Variants in ERO1A observed in about 807,000 individuals in gnomAD.
ERO1A encodes endoplasmic reticulum oxidoreductase 1 alpha, also known as ERO1-like protein alpha.
A neutral mutation model predicts 76.9 loss-of-function variants in ERO1A; 49 were observed. That is an observed-to-expected ratio of 0.64 (90% CI 0.51 to 0.81). The LOEUF (loss-of-function observed/expected upper bound fraction) is 0.81, where lower values mean the gene tolerates loss of function less well. Among genes scored for constraint, ERO1A ranks in the 30% least tolerant of loss-of-function variants. The pLI is 0.00. For synonymous variants in ERO1A, 174 were observed against 181.2 expected, an observed-to-expected ratio of 0.96 and a Z score of 0.32; for missense variants, 448 against 542.1, an observed-to-expected ratio of 0.83 and a Z score of 1.72.
In ERO1A at chr14:52,674,557, C is replaced by T. The variant is rs553367500; in HGVS notation, c.358-2686G>A. On this transcript the variant is annotated intron_variant, in intron 4 of 15. Coordinates refer to ENST00000395686, the MANE Select transcript of ERO1A (RefSeq NM_014584.3). ...CTATTTGAAATAGTTGATAATGACA[C>T]CATTTAACTATGTGCAAAGTTCTTC... 6.6e-5 allele frequency among the ~76,000 whole-genome samples: 10 copies of T among 152,242 alleles called. No homozygotes were observed. In the South Asian group the frequency reaches 1.9e-3, roughly 28 times the overall value.
At chr14:52,664,375 C>A (rs1430218585) in intron 7 of ERO1A, among the ~76,000 whole-genome samples, 3 of 152,002 alleles carry the variant, frequency 2.0e-5, no homozygotes, top group African/African-American at 4.8e-5. Context: ...TAGGAAAAAA[C>A]AGAAATTTTC....
At chr14:52,647,245 C>G (rs1185654828) in intron 13 of ERO1A, 1 of 147,808 alleles carries the variant, frequency 6.8e-6, no homozygotes, top group Non-Finnish European at 1.5e-5. Context: ...CGTGATCCGC[C>G]CACCTCGACC....
At position 52,671,829 on chromosome 14, in the gene ERO1A, C is replaced by T; in HGVS notation, c.400G>A (p.Ala134Thr). The T allele has an allele frequency of 1.2e-6, 2 of 1,609,116 alleles. No individual in the cohort carries two copies. The highest frequency in any genetic ancestry group is 1.1e-5 in the South Asian group (1 of 89,610). ...ANNLIEECEQ[A>T]ERLGAVDESL... ...TCATCCACTGCTCCAAGTCGTTCAG[C>T]TTGTTCACATTCTTCAATGAGATTA... The change falls in exon 5 of 16, where the codon GCT (alanine) becomes ACT (threonine). Residue 134 changes from alanine to threonine, a missense_variant. Physicochemically the swap from Ala to Thr is moderately conservative, Grantham distance 58. This residue lies in a region of ERO1A where 302 missense variants were observed against 411.9 expected (regional missense o/e 0.73). Transcript: ENST00000395686.
rs574737373 is a variant in ERO1A at position 52,681,169 on chromosome 14, CAAAT to C, written c.318+1152_318+1155del. On this transcript the variant is annotated intron_variant, in intron 3 of 15. Transcript: ENST00000395686. ...ACCCCAAAAAACTAAAGTAGGGACT[CAAAT>C]AAATATTTGTGCATAGCAGCATTAT... Among the ~76,000 whole-genome samples, 39 of 152,194 alleles carry C rather than the reference CAAAT, an allele frequency of 2.6e-4. 1 individual carries two copies. In the Middle Eastern group the frequency reaches 0.02, roughly 80 times the overall value.
intron 6 of ERO1A, among the ~76,000 whole-genome samples, chr14:52,670,427 T>G (rs1467152792): frequency 6.6e-6 from 1 of 152,242 alleles, no homozygotes; most frequent in Non-Finnish European, 1.5e-5. Flanking sequence ...GTCACCAGGT[T>G]GGAGTGCAAT....
chr14:52,660,539 T>C (rs1435174062), intron 9 of ERO1A, among the ~76,000 whole-genome samples: 14 of 152,236 alleles, frequency 9.2e-5, no homozygotes, highest in Non-Finnish European at 2.1e-4. Flanking sequence ...AGCATTTTAT[T>C]TAGCTGCTAC....
At chr14:52,679,396 G>T (rs1475571076) in intron 3 of ERO1A, among the ~76,000 whole-genome samples, 1 of 150,484 alleles carries the variant, frequency 6.6e-6, no homozygotes, top group Non-Finnish European at 1.5e-5. Flanking sequence ...AATATTTTTA[G>T]ATGGATAAAT....
At chr14:52,679,932 C>T (rs570816085) in intron 3 of ERO1A, among the ~76,000 whole-genome samples, 32 of 151,868 alleles carry the variant, frequency 2.1e-4, no homozygotes, top group African/African-American at 6.0e-4. Flanking sequence ...GCCTGTAGTC[C>T]GCCTGTAGTC....
At chr14:52,669,324 C>T (rs2040519553) in intron 6 of ERO1A, among the ~76,000 whole-genome samples, 1 of 151,984 alleles carries the variant, frequency 6.6e-6, no homozygotes, top group South Asian at 2.1e-4. Flanking sequence ...AAAATATTAC[C>T]ATCCTTTTTC....
chr14:52,666,644 A>T (rs1018996895), intron 6 of ERO1A, 149 bp from the exon 7 acceptor site: 16 of 757,630 alleles, frequency 2.1e-5, no homozygotes, highest in Non-Finnish European at 3.0e-5. Flanking sequence ...GAAACAAAGG[A>T]AGGAGGCCGG....
intron 6 of ERO1A, among the ~76,000 whole-genome samples, chr14:52,669,940 T>C (rs1473505989): frequency 6.6e-6 from 1 of 152,220 alleles, no homozygotes; most frequent in Non-Finnish European, 1.5e-5. Context: ...TGTGTTGTTT[T>C]GAGAAAGGGT....
intron 4 of ERO1A, among the ~76,000 whole-genome samples, chr14:52,674,479 G>A (rs979803729): frequency 9.9e-5 from 15 of 152,242 alleles, no homozygotes; most frequent in African/African-American, 3.6e-4. Context: ...GATTACACAG[G>A]CATGAGCCAC....
chr14:52,665,449 CA>C (rs200977037), intron 7 of ERO1A, among the ~76,000 whole-genome samples: 17,711 of 142,896 alleles, frequency 0.12, 1,131 homozygotes, highest in East Asian at 0.22. Context: ...TTCTTCAAGT[CA>C]AAAAAAAAAA....
chr14:52,650,628 G>A (rs1037649720), intron 13 of ERO1A, among the ~76,000 whole-genome samples: 30 of 151,998 alleles, frequency 2.0e-4, no homozygotes, highest in Non-Finnish European at 4.4e-5. Context: ...ATCAAACCCA[G>A]TAGTATGGAG....
At chr14:52,665,225 C>T (rs906288428) in intron 7 of ERO1A, among the ~76,000 whole-genome samples, 9 of 147,558 alleles carry the variant, frequency 6.1e-5, no homozygotes, top group African/African-American at 2.2e-4. Flanking sequence ...TCGCTTGAAC[C>T]TGGGAGGCAG....
chr14:52,670,451 C>T (rs1331901592), intron 6 of ERO1A, among the ~76,000 whole-genome samples: 2 of 152,208 alleles, frequency 1.3e-5, no homozygotes, highest in Non-Finnish European at 2.9e-5. Flanking sequence ...ACAATCTCAG[C>T]TCACTGCAAC....
Position 52,666,495 on chromosome 14 carries a change from T to C in ERO1A, c.509A>G (p.Asp170Gly). ...ATATTCAGCTTCAGGGGACTGAATG[T>C]CTGTAAAATAAAATGTCTTATTAAA... Reference protein sequence around the residue: ...DSSDNFCEADDIQSPEAEYVD... With the variant: ...DSSDNFCEADGIQSPEAEYVD... Residue 170 changes from aspartate (D) to glycine (G), a missense_variant and splice_region_variant, in exon 7 of 16, where the codon GAC becomes GGC. Transcript: ENST00000395686. 1.9e-6 allele frequency: 3 copies of C among 1,604,304 alleles called. No homozygotes were observed. Among genetic ancestry groups the C allele is most frequent in the Non-Finnish European group, 2.5e-6 (3 of 1,176,834 alleles).
intron 13 of ERO1A, 71 bp from the exon 14 acceptor site, chr14:52,646,532 T>G (rs2039662888): frequency 1.7e-6 from 2 of 1,211,108 alleles, no homozygotes; most frequent in Non-Finnish European, 1.2e-6. Context: ...TCTGAGCAGG[T>G]TCTATGTGCC....
intron 1 of ERO1A, among the ~76,000 whole-genome samples, chr14:52,693,368 T>G (rs968206223): frequency 8.5e-5 from 13 of 152,296 alleles, no homozygotes; most frequent in African/African-American, 2.9e-4. Flanking sequence ...TGCTGGATGC[T>G]TCCTGCCCTC....
Sources: allele counts gnomAD v4.1 joint callset (sites outside exome capture counted in the v4.1 genomes callset), GRCh38; gene constraint gnomAD v4.1.1; regional missense constraint gnomAD v4.1.1; transcripts MANE v1.5; gene names NCBI Gene and HGNC (gene_info 2026-07-23, HGNC 2026-07-21).